Variants in CYP4Z1 observed in about 807,000 individuals in gnomAD.
CYP4Z1 encodes cytochrome P450 family 4 subfamily Z member 1, also known as cytochrome P450 4Z1.
Under a neutral mutation model 54.2 loss-of-function variants are expected in CYP4Z1, and 41 were observed. The observed-to-expected ratio is 0.76, with a 90% CI of 0.59 to 0.98. The LOEUF (loss-of-function observed/expected upper bound fraction) is 0.98. CYP4Z1 is among the 50% of genes least tolerant of loss of function. The pLI, the probability that CYP4Z1 is intolerant of heterozygous loss-of-function variation, is 0.00. For missense variants in CYP4Z1, 513 were observed against 599.0 expected (o/e 0.86, Z 1.50); for synonymous variants, 163 against 206.2 (o/e 0.79, Z 1.79).
the CYP4Z1 span, among the ~76,000 whole-genome samples, chr1:47,057,335 A>AAAAAAAAAT: frequency 1.1e-3 from 30 of 28,478 alleles, no homozygotes; most frequent in African/African-American, 2.1e-3. Flanking sequence ...AAGAAAAAAA[A>AAAAAAAAAT]ATATATATAT....
upstream of CYP4Z1, among the ~76,000 whole-genome samples, chr1:47,065,785 G>C (rs1644446466): frequency 6.6e-6 from 1 of 152,086 alleles, no homozygotes; most frequent in African/African-American, 2.4e-5. Flanking sequence ...CCATTAGTGA[G>C]ATTAACGAAG....
chr1:47,080,121 C>T (rs1644552785), intron 2 of CYP4Z1, among the ~76,000 whole-genome samples: 1 of 135,026 alleles, frequency 7.4e-6, no homozygotes, highest in African/African-American at 2.8e-5. Flanking sequence ...CTTGTTTTCC[C>T]AAAACTGTAA....
chr1:47,093,535 C>T (rs1471188412), intron 6 of CYP4Z1, among the ~76,000 whole-genome samples: 2 of 152,214 alleles, frequency 1.3e-5, no homozygotes, highest in Admixed American at 1.3e-4. Context: ...AAATTGCCTG[C>T]TATTATGGCC....
chr1:47,117,840 T>A lies in CYP4Z1; in HGVS notation c.1424T>A (p.Leu475Gln), dbSNP rs1173846409. The change falls in exon 12 of 12, where the codon CTG (leucine) becomes CAG (glutamine). Residue 475 changes from leucine to glutamine, a missense_variant. Leu to Gln is a moderately radical substitution (Grantham distance 113). Coordinates refer to ENST00000334194, the MANE Select transcript of CYP4Z1 (RefSeq NM_178134.3). ...AVALTLLRFKLAPDHSRPPQP... is the reference protein window; with the variant it reads ...AVALTLLRFKQAPDHSRPPQP... Reference sequence around the variant, plus strand: ...GCATTAACTCTGCTCCGCTTCAAGCTGGCTCCAGACCACTCAAGGCCTCCC... The same window carrying A: ...GCATTAACTCTGCTCCGCTTCAAGCAGGCTCCAGACCACTCAAGGCCTCCC... 5 of 1,613,688 alleles carry A rather than the reference T, an allele frequency of 3.1e-6. No individual in the cohort carries two copies. The highest frequency in any genetic ancestry group is 4.2e-6 in the Non-Finnish European group (5 of 1,179,848).
Position 47,068,678 on chromosome 1 carries a change from T to C in CYP4Z1, c.234T>C (p.Cys78=), listed in dbSNP as rs773235517. 6.2e-7 allele frequency: 1 copy of C among 1,614,188 alleles called. No individual in the cohort carries two copies. ...VYHKLMEKYP[C]AVPLWVGPFT... ...ATAAGCTGATGGAAAAATACCCATG[T>C]GCTGTTCCCTTGTGGGTTGGACCCT... Residue 78 remains cysteine, a synonymous_variant, in exon 2 of 12, where the codon TGT becomes TGC. Coordinates refer to ENST00000334194, the MANE Select transcript of CYP4Z1 (RefSeq NM_178134.3).
At chr1:47,068,808 G>A (rs1426249144) in intron 2 of CYP4Z1, 45 bp downstream of exon 2, 2 of 1,591,534 alleles carry the variant, frequency 1.3e-6, no homozygotes, top group African/African-American at 1.4e-5. Context: ...CAACAAAGAG[G>A]GTCTCAGGGT....
intron 7 of CYP4Z1, among the ~76,000 whole-genome samples, chr1:47,097,836 T>TTC (rs386366897): frequency 6.6e-6 from 1 of 151,330 alleles, no homozygotes; most frequent in African/African-American, 2.4e-5. Flanking sequence ...TTTTTTTTTT[T>TTC]TGAGACTGAC....
chr1:47,110,027 G>A (rs554214270), intron 9 of CYP4Z1, among the ~76,000 whole-genome samples: 3 of 151,294 alleles, frequency 2.0e-5, no homozygotes, highest in African/African-American at 7.3e-5. Flanking sequence ...ATGTAATTTT[G>A]TTAGATAATG....
At chr1:47,062,587 G>A (rs974752799), upstream of CYP4Z1, among the ~76,000 whole-genome samples, 1 of 152,036 alleles carries the variant, frequency 6.6e-6, no homozygotes, top group African/African-American at 2.4e-5. Context: ...CCACTTCCCT[G>A]GTGACCTGTA....
chr1:47,087,485 GCTCT>G (rs1557625953), intron 6 of CYP4Z1, among the ~76,000 whole-genome samples: 1 of 152,082 alleles, frequency 6.6e-6, no homozygotes, highest in African/African-American at 2.4e-5. Context: ...CTCATGATTT[GCTCT>G]CTGTTTGTCT....
rs1569751459 is a variant in CYP4Z1, at chr1:47,106,274, T to C, written c.1201+13T>C. The C allele has an allele frequency of 7.0e-6, 4 of 568,656 alleles. No individual in the cohort carries two copies. Among genetic ancestry groups the C allele is most frequent in the East Asian group, 0.017 (1 of 60 alleles). 35.2% of individuals were successfully genotyped at this position (568,656 alleles called of 1,614,324 possible). A position where few individuals can be genotyped will look rare whatever the true frequency, so the allele number is the denominator to read the frequency against. ...TCCTTACCTGCAGGTCTTAAAACTT[T>C]TTTTTTTTTTTTTAACAATGCAGCT... On this transcript the variant is annotated intron_variant, in intron 9 of 11. Coordinates refer to ENST00000334194, the MANE Select transcript of CYP4Z1 (RefSeq NM_178134.3).
intron 4 of CYP4Z1, among the ~76,000 whole-genome samples, chr1:47,082,964 C>T (rs1233358967): frequency 6.6e-6 from 1 of 152,038 alleles, no homozygotes; most frequent in African/African-American, 2.4e-5. Flanking sequence ...GCAGAGATGT[C>T]ACAAGACAAT....
chr1:47,067,152 A>G (rs1644455724), upstream of CYP4Z1, among the ~76,000 whole-genome samples: 4 of 152,146 alleles, frequency 2.6e-5, no homozygotes, highest in South Asian at 6.2e-4. Flanking sequence ...TTTTACAAGA[A>G]TGTATAGAGG....
intron 8 of CYP4Z1, among the ~76,000 whole-genome samples, chr1:47,105,211 C>T (rs1644748505): frequency 6.6e-6 from 1 of 152,134 alleles, no homozygotes; most frequent in African/African-American, 2.4e-5. Context: ...GCCACAGCAG[C>T]TGTGGTGGGG....
intron 9 of CYP4Z1, 116 bp downstream of exon 9, chr1:47,106,377 T>C (rs1644758017): frequency 8.2e-7 from 1 of 1,221,120 alleles, no homozygotes; most frequent in Non-Finnish European, 1.1e-6. Context: ...CCTAGGGCCA[T>C]TCTTATTTCC....
chr1:47,103,092 C>T (rs1019763786), intron 8 of CYP4Z1, among the ~76,000 whole-genome samples: 4 of 151,754 alleles, frequency 2.6e-5, no homozygotes, highest in Non-Finnish European at 4.4e-5. Context: ...GAGATTCTTT[C>T]TTCTGCTTGA....
chr1:47,056,713 G>A, the CYP4Z1 span, among the ~76,000 whole-genome samples: 10 of 152,194 alleles, frequency 6.6e-5, no homozygotes, highest in East Asian at 1.9e-3. Context: ...TTGGTTTAAA[G>A]TCTGTTTTAT....
chr1:47,068,572 C>T (rs1217141552), intron 1 of CYP4Z1, 50 bp from the exon 2 acceptor site: 2 of 1,602,510 alleles, frequency 1.2e-6, no homozygotes, highest in East Asian at 2.2e-5. Context: ...GAAAGGGGTC[C>T]TCCTGGGGTG....
chr1:47,061,454 C>CA, the CYP4Z1 span, among the ~76,000 whole-genome samples: 1 of 152,170 alleles, frequency 6.6e-6, no homozygotes, highest in African/African-American at 2.4e-5. Context: ...AATTTCTGGA[C>CA]ACATACACCT....
Sources: gnomAD v4.1 joint callset for allele counts (sites outside exome capture counted in the v4.1 genomes callset) on GRCh38, gnomAD v4.1.1 for gene constraint, MANE v1.5 for transcripts, NCBI Gene and HGNC (gene_info 2026-07-23, HGNC 2026-07-21) for gene names.